CNTNAP2: variants seen among roughly 807,000 people sequenced by gnomAD.
The protein encoded by CNTNAP2 is contactin associated protein 2.
A neutral mutation model predicts 155.2 loss-of-function variants in CNTNAP2; 98 were observed. The observed-to-expected ratio is 0.63, with a 90% confidence interval of 0.54 to 0.75. The LOEUF (loss-of-function observed/expected upper bound fraction) is 0.75, where lower values mean the gene tolerates loss of function less well. CNTNAP2 is among the 30% of genes least tolerant of loss of function. The pLI is 0.00. For synonymous variants in CNTNAP2, 651 were observed against 631.2 expected (o/e 1.03, Z -0.47); for missense variants, 1,727 against 1,688.1 (o/e 1.02, Z -0.40).
chr7:147,475,038 A>G (rs1798291614), intron 10 of CNTNAP2, among the ~76,000 whole-genome samples: 1 of 152,178 alleles, frequency 6.6e-6, no homozygotes, highest in African/African-American at 2.4e-5. Context: ...TATATTTTTG[A>G]GATTGTGTCT....
chr7:146,460,961 G>A (rs1026464781), intron 1 of CNTNAP2, among the ~76,000 whole-genome samples: 18 of 152,176 alleles, frequency 1.2e-4, no homozygotes, highest in African/African-American at 3.1e-4. Context: ...TTTGAAAATC[G>A]CATAGATCCC....
intron 14 of CNTNAP2, among the ~76,000 whole-genome samples, chr7:147,908,113 TA>T (rs1403685966): frequency 6.6e-6 from 1 of 151,988 alleles, no homozygotes; most frequent in Non-Finnish European, 1.5e-5. Flanking sequence ...TAAATGAAAA[TA>T]AATGAAAACA....
chr7:146,254,329 A>G (rs1015658099), intron 1 of CNTNAP2, among the ~76,000 whole-genome samples: 1 of 152,364 alleles, frequency 6.6e-6, no homozygotes, highest in South Asian at 2.1e-4. Flanking sequence ...TAAGCATTTC[A>G]TGTGTATTTC....
intron 1 of CNTNAP2, among the ~76,000 whole-genome samples, chr7:146,444,979 A>C (rs1167752297): frequency 6.6e-6 from 1 of 151,852 alleles, no homozygotes; most frequent in Non-Finnish European, 1.5e-5. Context: ...CGCCCAGCCC[A>C]TGGATTCTAA....
At chr7:146,652,071 A>C (rs1331150503) in intron 1 of CNTNAP2, among the ~76,000 whole-genome samples, 1 of 152,166 alleles carries the variant, frequency 6.6e-6, no homozygotes, top group Non-Finnish European at 1.5e-5. Flanking sequence ...GATAAATTGA[A>C]CAACAATGCA....
intron 15 of CNTNAP2, among the ~76,000 whole-genome samples, chr7:148,052,633 ATTAT>A (rs1802915604): frequency 6.6e-6 from 1 of 152,216 alleles, no homozygotes; most frequent in South Asian, 2.1e-4. Context: ...TTTTTTACAG[ATTAT>A]TTGTCATAAA....
chr7:148,054,766 T>C (rs1802976967), intron 15 of CNTNAP2, among the ~76,000 whole-genome samples: 1 of 151,934 alleles, frequency 6.6e-6, no homozygotes, highest in Non-Finnish European at 1.5e-5. Flanking sequence ...AAACAAACAA[T>C]ATCAGTAAAA....
intron 3 of CNTNAP2, among the ~76,000 whole-genome samples, chr7:146,886,505 T>G (rs1268878521): frequency 6.6e-6 from 1 of 152,092 alleles, no homozygotes; most frequent in African/African-American, 2.4e-5. Context: ...CACAGATCCA[T>G]GGAAAGAATA....
chr7:147,359,111 T>C (rs1164144919), intron 9 of CNTNAP2, among the ~76,000 whole-genome samples: 4 of 152,182 alleles, frequency 2.6e-5, no homozygotes, highest in Non-Finnish European at 5.9e-5. Context: ...CTTTTCTGCA[T>C]CTCATAGTGA....
chr7:147,435,443 A>T (rs1584946979), intron 10 of CNTNAP2, among the ~76,000 whole-genome samples: 1 of 152,198 alleles, frequency 6.6e-6, no homozygotes. Context: ...TACTGACCAC[A>T]CTTGGAGAAT....
At chr7:148,341,273 CT>C (rs200209819) in intron 21 of CNTNAP2, among the ~76,000 whole-genome samples, 6 of 120,230 alleles carry the variant, frequency 5.0e-5, no homozygotes, top group South Asian at 2.8e-4. Context: ...CAGAGGATTT[CT>C]TTTTTTTTTA....
chr7:147,213,857 G>C (rs915095678), intron 8 of CNTNAP2, among the ~76,000 whole-genome samples: 2 of 152,106 alleles, frequency 1.3e-5, no homozygotes, highest in African/African-American at 4.8e-5. Flanking sequence ...AAATCCTGGA[G>C]TGTCTGTGTA....
intron 13 of CNTNAP2, among the ~76,000 whole-genome samples, chr7:147,875,128 G>A (rs775561972): frequency 6.6e-6 from 1 of 152,116 alleles, no homozygotes; most frequent in Non-Finnish European, 1.5e-5. Context: ...TTCCAAAGTT[G>A]CTTTCACATT....
chr7:148,324,524 G>T (rs1331770083), intron 21 of CNTNAP2, among the ~76,000 whole-genome samples: 1 of 152,182 alleles, frequency 6.6e-6, no homozygotes, highest in South Asian at 2.1e-4. Flanking sequence ...GAGGTCGGGC[G>T]CAGCGGCTCA....
chr7:146,959,380 A>G (rs1797507438), intron 3 of CNTNAP2, among the ~76,000 whole-genome samples: 1 of 152,074 alleles, frequency 6.6e-6, no homozygotes, highest in Non-Finnish European at 1.5e-5. Context: ...TCAAACTCAG[A>G]TACACAATCT....
intron 13 of CNTNAP2, among the ~76,000 whole-genome samples, chr7:147,864,061 G>A (rs1799182575): frequency 6.6e-6 from 1 of 151,882 alleles, no homozygotes; most frequent in Non-Finnish European, 1.5e-5. Flanking sequence ...ATGGTTTCAG[G>A]TCTAACATTT....
rs539170705 is a variant in CNTNAP2, at chr7:147,967,901, GA to G, written c.2256-9952del. ...AAAGAAATAATAAGCCCCAATTACA[GA>G]AAAAAAAAGATACTAAAAATATTTC... On this transcript the variant is annotated intron_variant, in intron 14 of 23. Transcript: ENST00000361727. 3.4e-3 allele frequency among the ~76,000 whole-genome samples: 511 copies of G among 150,452 alleles called. 1 individual carries two copies. Among genetic ancestry groups the G allele is most frequent in the African/African-American group, 0.012 (473 of 41,050 alleles).
At chr7:147,944,912 G>C (rs1800791760) in intron 14 of CNTNAP2, among the ~76,000 whole-genome samples, 1 of 152,060 alleles carries the variant, frequency 6.6e-6, no homozygotes, top group Non-Finnish European at 1.5e-5. Flanking sequence ...TCTTCTGTTT[G>C]GGCTTGGCAC....
At chr7:148,086,903 A>G (rs538361959) in intron 15 of CNTNAP2, among the ~76,000 whole-genome samples, 2 of 152,280 alleles carry the variant, frequency 1.3e-5, no homozygotes, top group South Asian at 4.1e-4. Flanking sequence ...GTGCGTTACT[A>G]CCATGATGTC....
Sources: allele counts gnomAD v4.1 joint callset (sites outside exome capture counted in the v4.1 genomes callset), GRCh38; gene constraint gnomAD v4.1.1; transcripts MANE v1.5; gene names NCBI Gene and HGNC (gene_info 2026-07-23, HGNC 2026-07-21).